Variants in DNAH5 observed in about 807,000 individuals in gnomAD.
The protein encoded by DNAH5 is dynein axonemal heavy chain 5.
DNAH5 carries 372 observed loss-of-function variants against 518.2 expected under a neutral mutation model. The ratio of observed to expected loss-of-function variants is 0.72; its 90% CI spans 0.66 to 0.78. The LOEUF (loss-of-function observed/expected upper bound fraction) is 0.78, where lower values mean the gene tolerates loss of function less well. DNAH5 is among the 30% of genes least tolerant of loss of function. The probability of loss-of-function intolerance (pLI) is 0.00; values close to 1 mark genes in which losing one functional copy is unlikely to be tolerated. For synonymous variants in DNAH5, 2,039 were observed against 2,025.9 expected, an observed-to-expected ratio of 1.01 and a Z score of -0.17; for missense variants, 5,523 against 5,687.0, an observed-to-expected ratio of 0.97 and a Z score of 0.93.
At position 13,817,679 on chromosome 5, in the gene DNAH5, T is replaced by C; in HGVS notation, c.6857A>G (p.His2286Arg). 2 of 1,614,214 alleles carry C rather than the reference T, an allele frequency of 1.2e-6. No individual in the cohort carries two copies. Among genetic ancestry groups the C allele is most frequent in the South Asian group, 1.1e-5 (1 of 91,084 alleles). The change falls in exon 42 of 79, where the codon CAT becomes CGT. Residue 2286 changes from histidine (H) to arginine (R), a missense_variant. Physicochemically the swap from His to Arg is conservative, Grantham distance 29. Transcript: ENST00000265104. ...MRAMTDCGKP[H>R]REMRMNPKAI... ...TTTGGGATTCATCCTCATTTCCCGA[T>C]GTGGTTTTCCACAATCTATACCAAG...
chr5:13,779,584 T>C (rs1754788060), intron 53 of DNAH5, among the ~76,000 whole-genome samples: 1 of 152,230 alleles, frequency 6.6e-6, no homozygotes, highest in Non-Finnish European at 1.5e-5. Context: ...TAACCTTATC[T>C]TGGTTAATCC....
intron 75 of DNAH5, among the ~76,000 whole-genome samples, chr5:13,709,027 G>A (rs1156547102): frequency 2.6e-5 from 4 of 152,224 alleles, no homozygotes; most frequent in South Asian, 2.1e-4. Flanking sequence ...CACGAATGAC[G>A]CCTTTCCTGA....
At chr5:13,904,728 T>C (rs1396450671) in intron 12 of DNAH5, among the ~76,000 whole-genome samples, 3 of 151,990 alleles carry the variant, frequency 2.0e-5, no homozygotes, top group Admixed American at 6.6e-5. Context: ...CTGGGCAACA[T>C]GGCAAAACCC....
chr5:13,958,720 A>G (rs559099025), intron 1 of DNAH5, among the ~76,000 whole-genome samples: 1 of 152,378 alleles, frequency 6.6e-6, no homozygotes, highest in South Asian at 2.1e-4. Context: ...TACAGGTAAC[A>G]TTAACAAAAA....
Position 13,716,558 on chromosome 5 carries a change from C to A in DNAH5, c.12838G>T (p.Asp4280Tyr), listed in dbSNP as rs1264255228. The A allele has an allele frequency of 1.2e-6, 2 of 1,613,888 alleles. No individual in the cohort carries two copies. The highest frequency in any genetic ancestry group is 4.5e-5 in the East Asian group (2 of 44,846). The change falls in exon 74 of 79, where the codon GAT becomes TAT. Residue 4280 changes from aspartate to tyrosine, a missense_variant. By Grantham distance (160) the Asp-to-Tyr change is radical (BLOSUM62 -3). Around this residue, in one of 3 missense-constraint regions of DNAH5, gnomAD observed 387 missense variants for 430.0 expected, o/e 0.90. Transcript: ENST00000265104. ...TTGTATCCTTGGTAAAAACTGAAAT[C>A]TGGTCCAAACATATTTTCACTGAAC... ...VWFSENMFGPDFSFYQGYNIP... is the reference protein window; with the variant it reads ...VWFSENMFGPYFSFYQGYNIP...
intron 71 of DNAH5, among the ~76,000 whole-genome samples, chr5:13,720,105 A>AC (rs1397164160): frequency 8.1e-6 from 1 of 123,946 alleles, no homozygotes; most frequent in African/African-American, 3.5e-5. Context: ...CAAAAAGAAA[A>AC]AACACCAAAA....
chr5:13,766,475 C>G (rs6888014), intron 58 of DNAH5, among the ~76,000 whole-genome samples: 1 of 152,236 alleles, frequency 6.6e-6, no homozygotes, highest in South Asian at 2.1e-4. Flanking sequence ...AAGGCATAAT[C>G]TGAAAGAAAA....
chr5:13,730,371 T>C (rs1027578670), intron 68 of DNAH5, among the ~76,000 whole-genome samples: 6 of 152,344 alleles, frequency 3.9e-5, no homozygotes, highest in African/African-American at 1.2e-4. Flanking sequence ...GGATAAAATA[T>C]ACTATTTAAT....
intron 75 of DNAH5, among the ~76,000 whole-genome samples, chr5:13,713,442 TATATATATATATATATATATATATAC>T (rs1743859119): frequency 8.1e-6 from 1 of 123,210 alleles, no homozygotes; most frequent in Non-Finnish European, 1.6e-5. Context: ...GACATATATA[TATATATATATATATATATATATATAC>T]ACACACCGAT....
upstream of DNAH5, among the ~76,000 whole-genome samples, chr5:13,947,159 A>G (rs559001370): frequency 3.6e-4 from 55 of 152,352 alleles, no homozygotes; most frequent in African/African-American, 1.3e-3. Context: ...AAATGTTACA[A>G]ATTTTGATAA....
chr5:14,001,071 TATAAGTAAGAG>T (rs1784319707), intron 1 of DNAH5, among the ~76,000 whole-genome samples: 1 of 152,164 alleles, frequency 6.6e-6, no homozygotes, highest in African/African-American at 2.4e-5. Context: ...TGTTCTCACT[TATAAGTAAGAG>T]TTAAACACTG....
chr5:13,744,550 A>G (rs928438702), intron 65 of DNAH5, among the ~76,000 whole-genome samples: 1 of 152,064 alleles, frequency 6.6e-6, no homozygotes, highest in Non-Finnish European at 1.5e-5. Context: ...AATTACCCCA[A>G]TCTGATCACT....
chr5:13,886,596 T>C (rs1011583630), intron 17 of DNAH5, among the ~76,000 whole-genome samples: 15 of 152,194 alleles, frequency 9.9e-5, no homozygotes, highest in African/African-American at 3.6e-4. Context: ...ATTTGAGGCA[T>C]GGTGATCAAT....
At position 13,762,749 on chromosome 5, in the gene DNAH5, A is replaced by G. The variant is rs1282684944; in HGVS notation, c.10254T>C (p.Ser3418=). ...TCAGAGGCAGTACTTCTTTGTTTAT[A>G]GAAAAGAAGGAAGCCATAGCTTTCG... ...SWTKAMASFF[S]INKEVLPLKA... is the part of the protein sequence containing the mutation. The change falls in exon 60 of 79, where the codon TCT becomes TCC. Residue 3418 remains serine, a synonymous_variant. Transcript: ENST00000265104. 6.2e-6 allele frequency: 10 copies of G among 1,614,140 alleles called. No individual in the cohort carries two copies. The highest frequency in any genetic ancestry group is 7.6e-6 in the Non-Finnish European group (9 of 1,180,000).
At chr5:13,992,293 C>A (rs1038239380) in intron 1 of DNAH5, among the ~76,000 whole-genome samples, 10 of 152,140 alleles carry the variant, frequency 6.6e-5, no homozygotes, top group African/African-American at 2.4e-4. Flanking sequence ...GCCTCAAACC[C>A]CAACAAAAAA....
intron 55 of DNAH5, 21 bp downstream of exon 55, chr5:13,776,418 C>A (rs1288285280): frequency 6.2e-7 from 1 of 1,613,418 alleles, no homozygotes; most frequent in Non-Finnish European, 8.5e-7. Flanking sequence ...TATGCCCTGG[C>A]ATAAACATTT....
At chr5:13,881,685 T>G (rs1234202740) in intron 21 of DNAH5, among the ~76,000 whole-genome samples, 1 of 151,924 alleles carries the variant, frequency 6.6e-6, no homozygotes, top group Non-Finnish European at 1.5e-5. Flanking sequence ...CAAAAGCAGT[T>G]CTAAGAGGAA....
intron 1 of DNAH5, among the ~76,000 whole-genome samples, chr5:13,972,206 C>T (rs768084018): frequency 3.9e-5 from 6 of 152,122 alleles, no homozygotes; most frequent in Non-Finnish European, 5.9e-5. Flanking sequence ...TCCAGGCAGC[C>T]GGTGAGCAGG....
chr5:13,767,796 C>T (rs1421929515), intron 58 of DNAH5, among the ~76,000 whole-genome samples: 2 of 152,174 alleles, frequency 1.3e-5, no homozygotes, highest in African/African-American at 2.4e-5. Flanking sequence ...GTTATATAAT[C>T]TCCTATATGC....
Sources: allele counts gnomAD v4.1 joint callset (sites outside exome capture counted in the v4.1 genomes callset), GRCh38; gene constraint gnomAD v4.1.1; regional missense constraint gnomAD v4.1.1; transcripts MANE v1.5; gene names NCBI Gene and HGNC (gene_info 2026-07-23, HGNC 2026-07-21).